The following RIC8B variants were observed in gnomAD, a reference collection of about 807,000 sequenced individuals.
The protein encoded by RIC8B is chaperone Ric-8B.
RIC8B carries 16 observed loss-of-function variants against 57.5 expected under a neutral mutation model. The observed-to-expected ratio is 0.28, with a 90% CI of 0.19 to 0.42. The LOEUF (loss-of-function observed/expected upper bound fraction) is 0.42, where lower values mean the gene tolerates loss of function less well. RIC8B is among the 10% of genes least tolerant of loss of function. The pLI is 1.00. For missense variants in RIC8B, 481 were observed against 677.0 expected (o/e 0.71, Z 3.21); for synonymous variants, 216 against 250.8 (o/e 0.86, Z 1.31).
intron 9 of RIC8B, among the ~76,000 whole-genome samples, chr12:106,885,513 T>G (rs2136691970): frequency 6.6e-6 from 1 of 150,826 alleles, no homozygotes; most frequent in South Asian, 2.1e-4. Context: ...AATTGTATGC[T>G]CCAACCACTG....
chr12:106,801,876 C>T (rs193301302), intron 2 of RIC8B, among the ~76,000 whole-genome samples: 1 of 152,342 alleles, frequency 6.6e-6, no homozygotes, highest in African/African-American at 2.4e-5. Flanking sequence ...GAATTTAATA[C>T]AACCCTCATC....
chr12:106,811,406 A>T (rs562820999), intron 2 of RIC8B, among the ~76,000 whole-genome samples: 10 of 152,348 alleles, frequency 6.6e-5, no homozygotes, highest in Non-Finnish European at 1.3e-4. Flanking sequence ...CTGGACCCTC[A>T]TCCCAGACCT....
chr12:106,790,051 C>T (rs534210312), intron 2 of RIC8B, among the ~76,000 whole-genome samples: 1 of 152,152 alleles, frequency 6.6e-6, no homozygotes, highest in African/African-American at 2.4e-5. Flanking sequence ...TGCTTCTTAC[C>T]GGTAGTGCTG....
At chr12:106,829,450 C>T (rs1593234638) in intron 4 of RIC8B, among the ~76,000 whole-genome samples, 1 of 152,158 alleles carries the variant, frequency 6.6e-6, no homozygotes, top group South Asian at 2.1e-4. Context: ...TTCTTTTACT[C>T]ACTGAGTACA....
chr12:106,797,587 A>G (rs1005982675), intron 2 of RIC8B, among the ~76,000 whole-genome samples: 2 of 152,258 alleles, frequency 1.3e-5, no homozygotes, highest in Admixed American at 6.5e-5. Flanking sequence ...GGGTGGTTGC[A>G]CAAGTGTGAA....
intron 4 of RIC8B, among the ~76,000 whole-genome samples, chr12:106,831,712 A>G (rs992325225): frequency 1.3e-5 from 2 of 152,224 alleles, no homozygotes; most frequent in African/African-American, 4.8e-5. Context: ...GTCTCTGCCT[A>G]ATAAATTGGG....
intron 4 of RIC8B, among the ~76,000 whole-genome samples, chr12:106,828,820 T>C (rs2046227456): frequency 6.6e-6 from 1 of 152,246 alleles, no homozygotes; most frequent in African/African-American, 2.4e-5. Context: ...TTTGATACGC[T>C]GTTTAGGAAC....
At chr12:106,858,803 A>G (rs749549611) in intron 7 of RIC8B, among the ~76,000 whole-genome samples, 8 of 152,022 alleles carry the variant, frequency 5.3e-5, no homozygotes, top group Non-Finnish European at 8.8e-5. Context: ...GCTTCCTTTC[A>G]TTTATCCCCA....
At chr12:106,825,346 G>A (rs2046048066) in intron 3 of RIC8B, among the ~76,000 whole-genome samples, 1 of 152,192 alleles carries the variant, frequency 6.6e-6, no homozygotes, top group African/African-American at 2.4e-5. Context: ...TTTTTATTAA[G>A]GGTGTACAAC....
chr12:106,846,956 A>G (rs982671836), intron 6 of RIC8B, among the ~76,000 whole-genome samples: 2 of 152,294 alleles, frequency 1.3e-5, no homozygotes, highest in East Asian at 3.9e-4. Context: ...TGATCAAGAA[A>G]GGCAGAACTT....
chr12:106,848,151 A>G (rs1261154536), intron 6 of RIC8B, among the ~76,000 whole-genome samples: 2 of 152,192 alleles, frequency 1.3e-5, no homozygotes, highest in African/African-American at 2.4e-5. Flanking sequence ...TGAAGAAAGT[A>G]AGGAGAGAGC....
chr12:106,871,471 TA>T (rs1387727022), intron 9 of RIC8B: 1 of 30,918 alleles, frequency 3.2e-5, no homozygotes, highest in Non-Finnish European at 5.7e-5. Flanking sequence ...TTAGGAGTTC[TA>T]AAAAAAAAAA....
intron 2 of RIC8B, chr12:106,797,960 T>C: frequency 1.4e-6 from 1 of 693,210 alleles, no homozygotes; most frequent in South Asian, 1.6e-5. Flanking sequence ...TCGATTCTAT[T>C]TATTTCCTGA....
At chr12:106,852,162 G>A (rs953102075) in intron 7 of RIC8B, among the ~76,000 whole-genome samples, 4 of 152,200 alleles carry the variant, frequency 2.6e-5, no homozygotes, top group Admixed American at 6.5e-5. Flanking sequence ...CTCTATAAGT[G>A]TATATAAAGT....
At chr12:106,824,462 A>C (rs1352928602) in intron 3 of RIC8B, among the ~76,000 whole-genome samples, 1 of 152,208 alleles carries the variant, frequency 6.6e-6, no homozygotes, top group Non-Finnish European at 1.5e-5. Flanking sequence ...GAGTTGTGAA[A>C]GTGTGCCCTA....
intron 8 of RIC8B, among the ~76,000 whole-genome samples, chr12:106,865,303 G>GTAAT (rs1297969410): frequency 3.9e-5 from 6 of 152,062 alleles, no homozygotes; most frequent in Non-Finnish European, 5.9e-5. Context: ...GGGATTTTTA[G>GTAAT]TAATAGCCAT....
intron 8 of RIC8B, among the ~76,000 whole-genome samples, chr12:106,866,177 T>G (rs1002286844): frequency 3.9e-5 from 6 of 152,108 alleles, no homozygotes; most frequent in African/African-American, 1.4e-4. Flanking sequence ...AGTTTTTGTT[T>G]TTTTGTTTTT....
intron 2 of RIC8B, among the ~76,000 whole-genome samples, chr12:106,803,061 A>G (rs576831112): frequency 5.3e-5 from 8 of 151,996 alleles, no homozygotes; most frequent in Non-Finnish European, 7.4e-5. Context: ...AAGTAAAAAA[A>G]AATAGCTGAA....
At chr12:106,780,130 C>G (rs1038213559) in intron 1 of RIC8B, among the ~76,000 whole-genome samples, 1 of 152,022 alleles carries the variant, frequency 6.6e-6, no homozygotes, top group African/African-American at 2.4e-5. Context: ...TTCTTTACAT[C>G]GCAGGCTATT....
Sources: gnomAD v4.1 joint callset for allele counts (sites outside exome capture counted in the v4.1 genomes callset) on GRCh38, gnomAD v4.1.1 for gene constraint, MANE v1.5 for transcripts, NCBI Gene and HGNC (gene_info 2026-07-23, HGNC 2026-07-21) for gene names.